Variants in ELF2 observed in about 807,000 individuals in gnomAD.
The protein encoded by ELF2 is ETS-related transcription factor Elf-2.
ELF2 carries 11 observed loss-of-function variants against 54.8 expected under a neutral mutation model. The observed-to-expected ratio is 0.20, with a 90% CI of 0.13 to 0.33. The LOEUF is 0.33. Ranked by LOEUF, ELF2 falls within the 10% of genes least tolerant of loss-of-function variation. The probability of loss-of-function intolerance (pLI) is 1.00; values close to 1 mark genes in which losing one functional copy is unlikely to be tolerated. For synonymous variants in ELF2, 203 were observed against 245.1 expected (o/e 0.83, Z 1.61); for missense variants, 513 against 703.0 (o/e 0.73, Z 3.06).
intron 4 of ELF2, chr4:139,115,249 C>T: frequency 1.2e-6 from 2 of 1,609,356 alleles, no homozygotes; most frequent in Non-Finnish European, 1.7e-6. Flanking sequence ...GTCCGCGCCG[C>T]CCGGGCCCTC....
chr4:139,176,621 G>C (rs77661253), intron 1 of ELF2, among the ~76,000 whole-genome samples: 1 of 152,080 alleles, frequency 6.6e-6, no homozygotes. Flanking sequence ...ATGTAAACAC[G>C]GAGAGACCAG....
chr4:139,072,925 A>G (rs1381148070), intron 5 of ELF2, among the ~76,000 whole-genome samples: 1 of 152,230 alleles, frequency 6.6e-6, no homozygotes, highest in Non-Finnish European at 1.5e-5. Flanking sequence ...TTAAATTAAA[A>G]TTAGGACAAA....
intron 4 of ELF2, among the ~76,000 whole-genome samples, chr4:139,074,788 C>G (rs926545119): frequency 6.6e-6 from 1 of 150,632 alleles, no homozygotes. Context: ...GAAAATATTG[C>G]AGGGGAGGGG....
intron 1 of ELF2, among the ~76,000 whole-genome samples, chr4:139,149,200 A>G (rs1470520321): frequency 6.6e-6 from 1 of 152,264 alleles, no homozygotes; most frequent in East Asian, 1.9e-4. Flanking sequence ...AGGAAATTTA[A>G]AATAGTCTTC....
chr4:139,061,530 ACCC>A (rs1727856777), intron 8 of ELF2, among the ~76,000 whole-genome samples: 1 of 152,048 alleles, frequency 6.6e-6, no homozygotes, highest in South Asian at 2.1e-4. Flanking sequence ...TTTATAACAA[ACCC>A]CTAAAAACTA....
rs112847959 is a variant in ELF2 at position 139,171,609 on chromosome 4, C to CA, written c.-252+5357dup. 2.8e-3 allele frequency among the ~76,000 whole-genome samples: 407 copies of CA among 145,598 alleles called. 1 individual carries two copies. Among genetic ancestry groups the CA allele is most frequent in the African/African-American group, 7.5e-3 (304 of 40,400 alleles). On this transcript the variant is annotated intron_variant, in intron 1 of 9. Coordinates refer to ENST00000686138, the MANE Select transcript of ELF2 (RefSeq NM_001331036.3). ...ACTAAACAGTACACAGAGAAAAAAA[C>CA]AAAAAAAAAAACACAACAAATTAAC...
chr4:139,058,805 T>C lies in ELF2; in HGVS notation c.*178A>G, dbSNP rs1250447084. The C allele has an allele frequency of 8.6e-6, 7 of 816,274 alleles. No homozygotes were observed. Among genetic ancestry groups the C allele is most frequent in the South Asian group, 2.0e-5 (1 of 48,834 alleles). 50.6% of individuals were successfully genotyped at this position (816,274 alleles called of 1,614,324 possible). On this transcript the variant is annotated 3_prime_UTR_variant, in exon 10 of 10. Transcript: ENST00000686138. ...AGTTTTCTGTCAGCATCTCAATATGTAGTTCATTTCCCACTGAAACATGGG... is the reference window on the plus strand; with the variant it reads ...AGTTTTCTGTCAGCATCTCAATATGCAGTTCATTTCCCACTGAAACATGGG...
chr4:139,114,869 T>C, intron 4 of ELF2: 1 of 1,604,886 alleles, frequency 6.2e-7, no homozygotes, highest in Non-Finnish European at 8.5e-7. Flanking sequence ...TTGCTGTTGC[T>C]ACGAGGTTGG....
intron 6 of ELF2, among the ~76,000 whole-genome samples, chr4:139,071,596 A>G (rs148319707): frequency 6.6e-6 from 1 of 152,174 alleles, no homozygotes; most frequent in East Asian, 1.9e-4. Flanking sequence ...GGTGCAGGGA[A>G]TCTCTGATCT....
intron 1 of ELF2, among the ~76,000 whole-genome samples, chr4:139,160,485 GT>G (rs1218020672): frequency 2.6e-5 from 4 of 152,124 alleles, no homozygotes; most frequent in African/African-American, 9.7e-5. Context: ...GTCGATGGTA[GT>G]GATGAGGAAG....
At chr4:139,088,561 T>C (rs561103150) in intron 4 of ELF2, among the ~76,000 whole-genome samples, 1 of 152,266 alleles carries the variant, frequency 6.6e-6, no homozygotes, top group African/African-American at 2.4e-5. Context: ...ATTTTCATGA[T>C]AGTAAACTGT....
intron 1 of ELF2, among the ~76,000 whole-genome samples, chr4:139,147,778 ATTTT>A (rs767408414): frequency 3.3e-5 from 4 of 120,140 alleles, no homozygotes; most frequent in African/African-American, 9.4e-5. Flanking sequence ...CCAGCCAGAG[ATTTT>A]TTTTTTTTTT....
At chr4:139,115,835 T>TTTTTGTTTTG (rs937223653) in intron 4 of ELF2, among the ~76,000 whole-genome samples, 1 of 152,116 alleles carries the variant, frequency 6.6e-6, no homozygotes, top group Non-Finnish European at 1.5e-5. Flanking sequence ...TTTGTTGTTG[T>TTTTTGTTTTG]TTTTGTTTTG....
chr4:139,114,561 T>TCCAGTCTCACTCACACA (rs70940492), intron 4 of ELF2, among the ~76,000 whole-genome samples: 1 of 108,636 alleles, frequency 9.2e-6, no homozygotes, highest in Non-Finnish European at 1.8e-5. Context: ...GACTTCAGTC[T>TCCAGTCTCACTCACACA]CACACACACA....
chr4:139,094,364 G>A (rs4863629), intron 4 of ELF2, among the ~76,000 whole-genome samples: 150,389 of 152,308 alleles, frequency 0.99, 74,248 homozygotes, highest in Middle Eastern at 1. Flanking sequence ...TAACCAGCCC[G>A]TAAGTCTGAG....
chr4:139,127,605 G>A (rs2148840682), intron 3 of ELF2, among the ~76,000 whole-genome samples: 1 of 152,148 alleles, frequency 6.6e-6, no homozygotes, highest in Non-Finnish European at 1.5e-5. Context: ...TAGCACCTCT[G>A]GAAACAGCGC....
At chr4:139,083,122 G>C (rs1282745252) in intron 4 of ELF2, among the ~76,000 whole-genome samples, 2 of 151,986 alleles carry the variant, frequency 1.3e-5, no homozygotes, top group Non-Finnish European at 2.9e-5. Flanking sequence ...TGGAACCAGA[G>C]GCCTGTCAAT....
At position 139,064,907 on chromosome 4, in the gene ELF2, C is replaced by CA. The variant is rs890906995; in HGVS notation, c.613+2776dup. ...AAAAACAAAACAAAACAAAACAAAA[C>CA]AAAAAAAATGACTTTTAACTTTACA... On this transcript the variant is annotated intron_variant, in intron 7 of 9. Coordinates refer to ENST00000686138, the MANE Select transcript of ELF2 (RefSeq NM_001331036.3). 4.6e-5 allele frequency among the ~76,000 whole-genome samples: 7 copies of CA among 151,650 alleles called. No individual in the cohort carries two copies. In the East Asian group the frequency reaches 9.7e-4, roughly 21 times the overall value.
intron 4 of ELF2, among the ~76,000 whole-genome samples, chr4:139,087,040 C>A (rs977636116): frequency 3.9e-5 from 6 of 152,120 alleles, no homozygotes; most frequent in African/African-American, 1.4e-4. Flanking sequence ...GAGGCATGAA[C>A]CATGAAAATC....
Sources: gnomAD v4.1 joint callset for allele counts (sites outside exome capture counted in the v4.1 genomes callset) on GRCh38, gnomAD v4.1.1 for gene constraint, MANE v1.5 for transcripts, NCBI Gene and HGNC (gene_info 2026-07-23, HGNC 2026-07-21) for gene names.